The following FBXW4 variants were observed in gnomAD, a reference collection of about 807,000 sequenced individuals.
The protein encoded by FBXW4 is F-box and WD repeat domain containing 4, also known as F-box/WD repeat-containing protein 4.
FBXW4 carries 40 observed loss-of-function variants against 61.8 expected under a neutral mutation model. That is an observed-to-expected ratio of 0.65 (90% CI 0.50 to 0.84). The LOEUF is 0.84. Among genes scored for constraint, FBXW4 ranks in the 40% least tolerant of loss-of-function variants. The pLI is 0.00. For missense variants in FBXW4, 672 were observed against 753.8 expected (o/e 0.89, Z 1.27); for synonymous variants, 311 against 313.8 (o/e 0.99, Z 0.10).
At chr10:101,651,893 C>T (rs183342025) in intron 5 of FBXW4, among the ~76,000 whole-genome samples, 2 of 152,052 alleles carry the variant, frequency 1.3e-5, no homozygotes, top group Non-Finnish European at 1.5e-5. Flanking sequence ...GAAAGGGGGC[C>T]GCGGCCCTCT....
In FBXW4 at chr10:101,694,469, G is replaced by A. The variant is rs1280727479; in HGVS notation, c.637C>T (p.Leu213=). The A allele has an allele frequency of 1.3e-6, 2 of 1,533,412 alleles. No individual in the cohort carries two copies. The highest frequency in any genetic ancestry group is 2.8e-5 in the African/African-American group (2 of 70,180). 95.0% of individuals were successfully genotyped at this position (1,533,412 alleles called of 1,614,324 possible). A position where few individuals can be genotyped will look rare whatever the true frequency, so the allele number is the denominator to read the frequency against. ...AGATCGCAGCTGGTGAAGCGCCGCA[G>A]CCAGCGGCACACCTGGGCCAGGCGG... ...LGRLAQVCRW[L]RRFTSCDLLW... is the part of the protein sequence containing the mutation. Residue 213 remains leucine, a synonymous_variant, in exon 1 of 9, where the codon CTG becomes TTG. Transcript: ENST00000331272. This position sits in a 1 kb window ranked among gnomAD's most constrained non-coding sequence, Gnocchi z 6.0.
At chr10:101,690,066 A>G (rs1175559480) in intron 1 of FBXW4, among the ~76,000 whole-genome samples, 3 of 152,256 alleles carry the variant, frequency 2.0e-5, no homozygotes, top group Non-Finnish European at 4.4e-5. Flanking sequence ...AAGAGGATCA[A>G]GTAAGCTTTC....
chr10:101,643,770 C>G (rs2064073358), intron 5 of FBXW4, among the ~76,000 whole-genome samples: 1 of 152,192 alleles, frequency 6.6e-6, no homozygotes, highest in African/African-American at 2.4e-5. Flanking sequence ...TCAGGCCACA[C>G]AATGAGTGGA....
Position 101,684,471 on chromosome 10 carries a change from T to TGGG in FBXW4, c.726-8036_726-8035insCCC, listed in dbSNP as rs1242842535. On this transcript the variant is annotated intron_variant, in intron 1 of 8. Transcript: ENST00000331272. ...GTTTAATAGAGATGGGGTTTCACCA[T>TGGG]GTTGGCCAGGCTGGTCTTGAACTTC... 1.7e-4 allele frequency among the ~76,000 whole-genome samples: 26 copies of TGGG among 152,270 alleles called. No individual in the cohort carries two copies. In the East Asian group the frequency reaches 4.6e-3, roughly 27 times the overall value.
intron 5 of FBXW4, among the ~76,000 whole-genome samples, chr10:101,639,507 C>T (rs1390159678): frequency 2.0e-5 from 3 of 152,214 alleles, no homozygotes; most frequent in Non-Finnish European, 2.9e-5. Flanking sequence ...CTTTATCCAA[C>T]TAGTAGACAC....
chr10:101,688,981 G>A (rs1260562760), intron 1 of FBXW4, among the ~76,000 whole-genome samples: 1 of 152,066 alleles, frequency 6.6e-6, no homozygotes, highest in African/African-American at 2.4e-5. Context: ...CCAGAGCTAA[G>A]GTTAAGTTGT....
intron 5 of FBXW4, among the ~76,000 whole-genome samples, chr10:101,663,636 CAAAA>C (rs201279739): frequency 1.5e-5 from 2 of 135,034 alleles, no homozygotes. Flanking sequence ...GACCCTGTCT[CAAAA>C]AAAAAAAAAA....
chr10:101,645,861 G>C (rs2064091568), intron 5 of FBXW4, among the ~76,000 whole-genome samples: 1 of 152,162 alleles, frequency 6.6e-6, no homozygotes, highest in Non-Finnish European at 1.5e-5. Context: ...ATGACCTTTG[G>C]AGTCAGATGC....
At chr10:101,681,018 A>T (rs568362880) in intron 1 of FBXW4, among the ~76,000 whole-genome samples, 2 of 152,362 alleles carry the variant, frequency 1.3e-5, no homozygotes, top group South Asian at 4.1e-4. Context: ...TATAGCAAGT[A>T]ATGGTATTTT....
chr10:101,649,808 C>T (rs1378403490), intron 5 of FBXW4, among the ~76,000 whole-genome samples: 1 of 152,232 alleles, frequency 6.6e-6, no homozygotes, highest in Non-Finnish European at 1.5e-5. Context: ...TCTCTGCCTT[C>T]CGATCCATAT....
At position 101,630,252 on chromosome 10, in the gene FBXW4, C is replaced by A. The variant is rs1051083930; in HGVS notation, c.1236-5442G>T. On this transcript the variant is annotated intron_variant, in intron 5 of 8. Coordinates refer to ENST00000331272, the MANE Select transcript of FBXW4 (RefSeq NM_022039.4). Reference sequence around the variant, plus strand: ...CTGAGCCTTATTACTCTCTATTACTCCAATTAGTCAGGCTCCAGTGCTCCT... The same window carrying A: ...CTGAGCCTTATTACTCTCTATTACTACAATTAGTCAGGCTCCAGTGCTCCT... Among the ~76,000 whole-genome samples the A allele has an allele frequency of 2.0e-5, 3 of 152,160 alleles. No individual in the cohort carries two copies. In the South Asian group the frequency reaches 6.2e-4, roughly 32 times the overall value.
At chr10:101,673,242 G>GA (rs2134894555) in intron 3 of FBXW4, among the ~76,000 whole-genome samples, 195 bp from the exon 4 acceptor site, 1 of 152,224 alleles carries the variant, frequency 6.6e-6, no homozygotes, top group East Asian at 1.9e-4. Context: ...AGAGCTGAGA[G>GA]AAAAAATATA....
intron 5 of FBXW4, among the ~76,000 whole-genome samples, chr10:101,629,803 C>A (rs2063936737): frequency 6.6e-6 from 1 of 151,620 alleles, no homozygotes; most frequent in Non-Finnish European, 1.5e-5. Flanking sequence ...TAATGCCTGA[C>A]ACATATTGAA....
rs564422272 is a variant in FBXW4, at chr10:101,689,030, A to G, written c.725+5351T>C. On this transcript the variant is annotated intron_variant, in intron 1 of 8. Coordinates refer to ENST00000331272, the MANE Select transcript of FBXW4 (RefSeq NM_022039.4). ...TTCTTTTCTAAGTCACACATTCAAA[A>G]ATAATTTTTTAAAAAACCTGTATAC... 1.9e-4 allele frequency among the ~76,000 whole-genome samples: 29 copies of G among 152,282 alleles called. 1 individual carries two copies. Among genetic ancestry groups the G allele is most frequent in the Admixed American group, 1.7e-3 (26 of 15,300 alleles).
rs937609859 is a variant in FBXW4, at chr10:101,647,360, C to T, written c.1235+20526G>A. Among the ~76,000 whole-genome samples the T allele has an allele frequency of 2.6e-5, 4 of 152,180 alleles. No homozygotes were observed. In the East Asian group the frequency reaches 7.7e-4, roughly 29 times the overall value. On this transcript the variant is annotated intron_variant, in intron 5 of 8. Coordinates refer to ENST00000331272, the MANE Select transcript of FBXW4 (RefSeq NM_022039.4). ...CACCTTAGAGAGATGAGGGGAGGAA[C>T]TACTTGCTGGGTAGTTCTTTGAAGT...
At chr10:101,655,480 C>T (rs1041822412) in intron 5 of FBXW4, among the ~76,000 whole-genome samples, 1 of 152,196 alleles carries the variant, frequency 6.6e-6, no homozygotes, top group African/African-American at 2.4e-5. Flanking sequence ...GGAAAGAACA[C>T]TTCAAAGGCA....
At chr10:101,667,426 C>A (rs570095754) in intron 5 of FBXW4, among the ~76,000 whole-genome samples, 1 of 152,144 alleles carries the variant, frequency 6.6e-6, no homozygotes, top group Non-Finnish European at 1.5e-5. Flanking sequence ...GGGCCCCAAG[C>A]CTCTCCTGAT....
rs61382490 is a variant in FBXW4 at position 101,694,645 on chromosome 10, A to T, written c.461T>A (p.Val154Glu). 260,456 of 1,415,678 alleles carry T rather than the reference A, an allele frequency of 0.18. 25,152 individuals carry two copies. Among genetic ancestry groups the T allele is most frequent in the Non-Finnish European group, 0.2 (218,001 of 1,095,338 alleles). The allele number at this position is 1,415,678 out of a possible 1,614,324, so 87.7% of individuals were successfully genotyped here. A position where few individuals can be genotyped will look rare whatever the true frequency, so the allele number is the denominator to read the frequency against. The change falls in exon 1 of 9, where the codon GTG becomes GAG. Residue 154 changes from valine to glutamate, a missense_variant. Val to Glu is a moderately radical substitution (Grantham distance 121). Transcript: ENST00000331272. The surrounding 1 kb of genome is among the most constrained non-coding windows in gnomAD (Gnocchi z 6.0). ...CTCCCCGGCCGCCGCCGCCATGGCC[A>T]CCCCTGTCCCCGCGATGTCGGCCCA... ...QAWADIAGTG[V>E]AMAAAAGEEE...
intron 6 of FBXW4, among the ~76,000 whole-genome samples, chr10:101,620,799 C>A (rs373162979): frequency 5.3e-5 from 8 of 152,154 alleles, no homozygotes; most frequent in African/African-American, 1.9e-4. Context: ...CATACCTATT[C>A]TCATTAGAGT....
Sources: allele counts gnomAD v4.1 joint callset (sites outside exome capture counted in the v4.1 genomes callset), GRCh38; gene constraint gnomAD v4.1.1; non-coding constraint Gnocchi (gnomAD v3.1); transcripts MANE v1.5; gene names NCBI Gene and HGNC (gene_info 2026-07-23, HGNC 2026-07-21).